Variants in EPRS1 observed in about 807,000 individuals in gnomAD.
EPRS1 encodes bifunctional glutamate/proline--tRNA ligase.
In EPRS1, 107 loss-of-function variants were observed where a neutral mutation model predicts 188.3. The ratio of observed to expected loss-of-function variants is 0.57; its 90% CI spans 0.49 to 0.67. The LOEUF (loss-of-function observed/expected upper bound fraction) is 0.67, where lower values mean the gene tolerates loss of function less well. Ranked by LOEUF, EPRS1 falls within the 30% of genes least tolerant of loss-of-function variation. The probability of loss-of-function intolerance (pLI) is 0.00; values close to 1 mark genes in which losing one functional copy is unlikely to be tolerated. For synonymous variants in EPRS1, 596 were observed against 593.1 expected, an observed-to-expected ratio of 1.00 and a Z score of -0.07; for missense variants, 1,577 against 1,802.2, an observed-to-expected ratio of 0.88 and a Z score of 2.26.
chr1:219,975,096 C>T (rs537432401), intron 28 of EPRS1, among the ~76,000 whole-genome samples: 1 of 152,092 alleles, frequency 6.6e-6, no homozygotes, highest in African/African-American at 2.4e-5. Flanking sequence ...TTAAAGAAAA[C>T]TAAAAGGCAT....
At chr1:220,043,821 T>C (rs996874039) in intron 1 of EPRS1, among the ~76,000 whole-genome samples, 1 of 152,176 alleles carries the variant, frequency 6.6e-6, no homozygotes, top group African/African-American at 2.4e-5. Flanking sequence ...TAGGAAACCA[T>C]TCCAGACTGA....
intron 12 of EPRS1, among the ~76,000 whole-genome samples, chr1:220,016,384 G>A (rs1661712294): frequency 1.1e-5 from 1 of 88,298 alleles, no homozygotes; most frequent in Non-Finnish European, 2.2e-5. Flanking sequence ...ACGCAGGGGT[G>A]GGGAGAGGAA....
chr1:219,978,592 C>A lies in EPRS1; in HGVS notation c.4037G>T (p.Arg1346Leu). Reference protein sequence around the residue: ...SVNIRVRADLRDNYSPGWKFN... With the variant: ...SVNIRVRADLLDNYSPGWKFN... ...TTTCCAACCTGGAGAATAATTATCT[C>A]GTAAATCAGCTCTAACGCGGATGTT... Residue 1346 changes from arginine (R) to leucine (L), a missense_variant, in exon 28 of 32, where the codon CGA (arginine) becomes CTA (leucine). By Grantham distance (102) the Arg-to-Leu change is moderately radical. Coordinates refer to ENST00000366923, the MANE Select transcript of EPRS1 (RefSeq NM_004446.3). The A allele has an allele frequency of 1.3e-6, 2 of 1,595,232 alleles. No individual in the cohort carries two copies. Among genetic ancestry groups the A allele is most frequent in the Non-Finnish European group, 1.7e-6 (2 of 1,169,482 alleles).
intron 8 of EPRS1, among the ~76,000 whole-genome samples, chr1:220,022,740 G>A (rs1462541004): frequency 6.6e-6 from 1 of 152,128 alleles, no homozygotes; most frequent in African/African-American, 2.4e-5. Context: ...ATACGTTTTA[G>A]AAAAGGTAAC....
intron 2 of EPRS1, among the ~76,000 whole-genome samples, chr1:220,037,165 T>C (rs761198210): frequency 6.6e-6 from 1 of 151,834 alleles, no homozygotes; most frequent in Non-Finnish European, 1.5e-5. Flanking sequence ...TGACTATCCA[T>C]TGCACTCCAG....
At chr1:219,973,177 A>G in intron 29 of EPRS1, 61 bp downstream of exon 29, 1 of 1,450,828 alleles carries the variant, frequency 6.9e-7, no homozygotes, top group South Asian at 1.3e-5. Flanking sequence ...ATTCCTTGGT[A>G]AAGATCTCAA....
intron 18 of EPRS1, among the ~76,000 whole-genome samples, 163 bp downstream of exon 18, chr1:219,996,820 T>G (rs905990765): frequency 6.6e-6 from 1 of 152,160 alleles, no homozygotes; most frequent in Admixed American, 6.6e-5. Context: ...ATTATGAGCT[T>G]CTTATATATA....
intron 6 of EPRS1, among the ~76,000 whole-genome samples, chr1:220,026,072 C>T (rs919828893): frequency 2.0e-5 from 3 of 152,292 alleles, no homozygotes; most frequent in East Asian, 3.9e-4. Context: ...GGATTACAGG[C>T]GTGAGCCACC....
At position 220,005,312 on chromosome 1, in the gene EPRS1, C is replaced by T. The variant is rs1380224651; in HGVS notation, c.1999G>A (p.Gly667Arg). ...CTTCTCTGGAGTTGTATAATATCTCCTTTTTTCAAATCCTTAAGGCAGGGA... is the reference window on the plus strand; with the variant it reads ...CTTCTCTGGAGTTGTATAATATCTCTTTTTTTCAAATCCTTAAGGCAGGGA... ...GDPCLKDLKKGDIIQLQRRGF... is the reference protein window; with the variant it reads ...GDPCLKDLKKRDIIQLQRRGF... Residue 667 changes from glycine to arginine, a missense_variant, in exon 16 of 32, where the codon GGA (glycine) becomes AGA (arginine). Transcript: ENST00000366923. 1.9e-6 allele frequency: 3 copies of T among 1,600,484 alleles called. No homozygotes were observed. The highest frequency in any genetic ancestry group is 2.6e-6 in the Non-Finnish European group (3 of 1,173,466).
intron 28 of EPRS1, among the ~76,000 whole-genome samples, chr1:219,977,632 A>G (rs1480590797): frequency 6.6e-6 from 1 of 152,196 alleles, no homozygotes; most frequent in Non-Finnish European, 1.5e-5. Flanking sequence ...AGGAAATGAC[A>G]TGGAAAAAAA....
chr1:220,016,711 CTTT>C (rs57900764), intron 12 of EPRS1, among the ~76,000 whole-genome samples: 4 of 128,250 alleles, frequency 3.1e-5, no homozygotes, highest in African/African-American at 5.9e-5. Flanking sequence ...GAGAACCTGG[CTTT>C]TTTTTTTTTT....
At chr1:219,985,442 GAGTGC>G (rs1660988645) in intron 20 of EPRS1, among the ~76,000 whole-genome samples, 1 of 152,074 alleles carries the variant, frequency 6.6e-6, no homozygotes, top group South Asian at 2.1e-4. Flanking sequence ...GCCCAGGCTG[GAGTGC>G]ACTGGTGCAA....
chr1:219,992,559 A>G (rs1440137990), intron 18 of EPRS1, among the ~76,000 whole-genome samples: 1 of 152,220 alleles, frequency 6.6e-6, no homozygotes. Context: ...GGTTGCAACT[A>G]TTCAACTCTA....
chr1:219,995,539 ATACATCCAGCAGCATTTATTCC>A (rs1176709422), intron 18 of EPRS1, among the ~76,000 whole-genome samples: 1 of 152,220 alleles, frequency 6.6e-6, no homozygotes, highest in Admixed American at 6.5e-5. Context: ...TCCTAAACTC[ATACATCCAGCAGCATTTATTCC>A]TTGAAGCAAA....
Position 219,969,092 on chromosome 1 carries a change from C to A in EPRS1, c.4354G>T (p.Asp1452Tyr). ...GTCTTTTTGATCCAGTCCTCACAGTCAATTTCCCCACAGAATGGAATCTGA... is the reference window on the plus strand; with the variant it reads ...GTCTTTTTGATCCAGTCCTCACAGTAAATTTCCCCACAGAATGGAATCTGA... ...IVQIPFCGEI[D>Y]CEDWIKKTTA... Residue 1452 changes from aspartate to tyrosine, a missense_variant, in exon 31 of 32, where the codon GAC (aspartate) becomes TAC (tyrosine). Around this residue, in one of 3 missense-constraint regions of EPRS1, gnomAD observed 296 missense variants for 327.9 expected, o/e 0.90. Transcript: ENST00000366923. 2 of 1,612,720 alleles carry A rather than the reference C, an allele frequency of 1.2e-6. No homozygotes were observed. Among genetic ancestry groups the A allele is most frequent in the South Asian group, 2.2e-5 (2 of 91,034 alleles).
rs1175471919 is a variant in EPRS1, at chr1:220,024,275, T to C, written c.932A>G (p.His311Arg). Residue 311 changes from histidine to arginine, a missense_variant, in exon 8 of 32, where the codon CAT (histidine) becomes CGT (arginine). Physicochemically the swap from His to Arg is conservative, Grantham distance 29 (BLOSUM62 0). Transcript: ENST00000366923. ...ACAATGTGGCTTACGGTTTTTTCTATGTTTAGAGTCTATCCTCTGCTCACG... is the reference window on the plus strand; with the variant it reads ...ACAATGTGGCTTACGGTTTTTTCTACGTTTAGAGTCTATCCTCTGCTCACG... ...AEREQRIDSK[H>R]RKNPIEKNLQ... The C allele has an allele frequency of 1.3e-6, 2 of 1,574,748 alleles. No homozygotes were observed. Among genetic ancestry groups the C allele is most frequent in the Middle Eastern group, 1.7e-4 (1 of 5,852 alleles).
At chr1:219,983,066 T>C (rs191985518) in intron 22 of EPRS1, 123 bp downstream of exon 22, 160 of 824,948 alleles carry the variant, frequency 1.9e-4, no homozygotes, top group Non-Finnish European at 2.8e-4. Context: ...GCTATAAAGG[T>C]AGAAACAGAA....
chr1:219,997,143 T>C lies in EPRS1; in HGVS notation c.2381A>G (p.Lys794Arg), dbSNP rs779213039. ...LLSLKAEYKEKTGQEYKPGNP... is the reference protein window; with the variant it reads ...LLSLKAEYKERTGQEYKPGNP... ...TCCAGGTTTATATTCCTGGCCAGTTTTCTCCTTATATTCAGCTTTCAAAGA... is the reference window on the plus strand; with the variant it reads ...TCCAGGTTTATATTCCTGGCCAGTTCTCTCCTTATATTCAGCTTTCAAAGA... The change falls in exon 18 of 32, where the codon AAA becomes AGA. Residue 794 changes from lysine (K) to arginine (R), a missense_variant. Coordinates refer to ENST00000366923, the MANE Select transcript of EPRS1 (RefSeq NM_004446.3). 16 of 1,614,140 alleles carry C rather than the reference T, an allele frequency of 9.9e-6. No individual in the cohort carries two copies. Among genetic ancestry groups the C allele is most frequent in the Non-Finnish European group, 3.4e-6 (4 of 1,179,994 alleles).
chr1:220,042,946 TCAA>T (rs1662327139), intron 1 of EPRS1, among the ~76,000 whole-genome samples: 2 of 151,166 alleles, frequency 1.3e-5, no homozygotes. Flanking sequence ...AAAAACAACA[TCAA>T]CAACAACAAA....
Sources: gnomAD v4.1 joint callset for allele counts (sites outside exome capture counted in the v4.1 genomes callset) on GRCh38, gnomAD v4.1.1 for gene constraint, gnomAD v4.1.1 regional missense constraint, MANE v1.5 for transcripts, NCBI Gene and HGNC (gene_info 2026-07-23, HGNC 2026-07-21) for gene names.